POM121: variants seen among roughly 807,000 people sequenced by gnomAD.
The protein encoded by POM121 is nuclear envelope pore membrane protein POM 121.
POM121 carries 32 observed loss-of-function variants against 81.3 expected under a neutral mutation model. That is an observed-to-expected ratio of 0.39 (90% CI 0.30 to 0.53). The LOEUF is 0.53. POM121 is among the 20% of genes least tolerant of loss of function. The pLI is 0.66. For synonymous variants in POM121, 514 were observed against 694.2 expected (o/e 0.74, Z 4.08); for missense variants, 1,138 against 1,614.6 (o/e 0.70, Z 5.06).
intron 3 of POM121, among the ~76,000 whole-genome samples, chr7:72,900,050 C>G (rs1792442063): frequency 6.6e-6 from 1 of 152,174 alleles, no homozygotes; most frequent in Non-Finnish European, 1.5e-5. Context: ...CACTCCAAAA[C>G]CTACTGAATC....
chr7:72,929,928 C>T lies in POM121; in HGVS notation c.1104-12C>T, dbSNP rs781903345. 23 of 1,575,268 alleles carry T rather than the reference C, an allele frequency of 1.5e-5. No individual in the cohort carries two copies. Among genetic ancestry groups the T allele is most frequent in the Non-Finnish European group, 2.0e-5 (23 of 1,157,586 alleles). On this transcript the variant is annotated splice_polypyrimidine_tract_variant and intron_variant, in intron 4 of 12. Transcript: ENST00000434423. ...CTTCAATAAAGCATCTAACTGTCTTCTCTTTTATTAGGCCTGGGTCTCTGA... is the reference window on the plus strand; with the variant it reads ...CTTCAATAAAGCATCTAACTGTCTTTTCTTTTATTAGGCCTGGGTCTCTGA...
chr7:72,948,567 T>A (rs1554503911), downstream of POM121: 1 of 1,612,962 alleles, frequency 6.2e-7, no homozygotes, highest in Non-Finnish European at 8.5e-7. Context: ...GTGTGCGTTC[T>A]GGTGCTGATG....
intron 3 of POM121, among the ~76,000 whole-genome samples, chr7:72,899,194 A>G (rs1792313077): frequency 6.6e-6 from 1 of 151,914 alleles, no homozygotes; most frequent in African/African-American, 2.4e-5. Flanking sequence ...CATGTTGGTC[A>G]GGCTGGTCTC....
chr7:72,925,168 C>A lies in POM121; in HGVS notation c.47C>A (p.Pro16His). 2.7e-6 allele frequency: 4 copies of A among 1,502,380 alleles called. No homozygotes were observed. The highest frequency in any genetic ancestry group is 3.5e-6 in the Non-Finnish European group (4 of 1,133,810). 93.1% of individuals were successfully genotyped at this position (1,502,380 alleles called of 1,614,324 possible). Residue 16 changes from proline to histidine, a missense_variant, in exon 1 of 13, where the codon CCC (proline) becomes CAC (histidine). Around this residue, in one of 7 missense-constraint regions of POM121, gnomAD observed 646 missense variants for 633.5 expected, o/e 1.02. Coordinates refer to ENST00000434423, the MANE Select transcript of POM121 (RefSeq NM_001387691.1). ...AAAGAGERRR[P>H]IASVRDGRGR... is the part of the protein sequence containing the mutation. ...GCTGGAGCAGGCGAGCGGCGGCGGC[C>A]CATAGCGAGTGTCAGGGACGGCCGG...
At chr7:72,890,700 A>G (rs1791218386) in exon 2 of POM121, 3 of 1,601,760 alleles carry the variant, frequency 1.9e-6, no homozygotes, top group African/African-American at 1.3e-5. Context: ...CCTGATGAGA[A>G]GATAACATAC....
intron 3 of POM121, among the ~76,000 whole-genome samples, chr7:72,913,303 G>A (rs1376214481): frequency 2.6e-5 from 4 of 152,238 alleles, no homozygotes; most frequent in Non-Finnish European, 5.9e-5. Flanking sequence ...GGGACATGCC[G>A]TGTGCCGTCT....
At chr7:72,940,738 T>C (rs1796981016) in intron 9 of POM121, 79 bp from the exon 10 acceptor site, 1 of 1,493,580 alleles carries the variant, frequency 6.7e-7, no homozygotes, top group East Asian at 2.3e-5. Flanking sequence ...TGAGCTGTGC[T>C]GAGAGCCTGC....
intron 4 of POM121, among the ~76,000 whole-genome samples, chr7:72,916,004 T>A (rs187892229): frequency 6.6e-6 from 1 of 152,340 alleles, no homozygotes; most frequent in African/African-American, 2.4e-5. Flanking sequence ...GTTTGTTTTT[T>A]CCTTGTAAAT....
intron 3 of POM121, among the ~76,000 whole-genome samples, chr7:72,908,071 G>A (rs1793443809): frequency 6.6e-6 from 1 of 152,098 alleles, no homozygotes. Context: ...CTGCTATTGA[G>A]TTCACCCATT....
At chr7:72,938,545 T>G in intron 5 of POM121, 45 bp from the exon 6 acceptor site, 2 of 1,582,580 alleles carry the variant, frequency 1.3e-6, no homozygotes, top group Non-Finnish European at 1.7e-6. Context: ...GAGGGTCAGA[T>G]GCTAAGTTAT....
At chr7:72,950,231 G>T, downstream of POM121, 2 of 1,605,028 alleles carry the variant, frequency 1.2e-6, no homozygotes, top group South Asian at 1.1e-5. Flanking sequence ...ATCATTTCCT[G>T]AATTTCTCCC....
rs1797737164 is a variant in POM121, at chr7:72,946,938, C to T, written c.*704C>T. ...AGCTTGGTGGCTCAAGACTGTTAGC[C>T]TGGCAGAGCCAGGGGTGAAGGGAGA... On this transcript the variant is annotated 3_prime_UTR_variant, in exon 13 of 13. Transcript: ENST00000434423. 3 of 770,274 alleles carry T rather than the reference C, an allele frequency of 3.9e-6. No individual in the cohort carries two copies. The highest frequency in any genetic ancestry group is 4.2e-5 in the African/African-American group (2 of 47,296). 47.7% of individuals were successfully genotyped at this position (770,274 alleles called of 1,614,324 possible).
intron 1 of POM121, among the ~76,000 whole-genome samples, chr7:72,881,868 T>G (rs1790190961): frequency 6.6e-6 from 1 of 152,118 alleles, no homozygotes; most frequent in Admixed American, 6.6e-5. Context: ...TGACCTCAGG[T>G]GATCCTCCTG....
chr7:72,899,575 ATTTT>A (rs10709124), intron 3 of POM121, among the ~76,000 whole-genome samples: 1 of 121,446 alleles, frequency 8.2e-6, no homozygotes. Flanking sequence ...TTGATATTAC[ATTTT>A]TTTTTTTTTT....
In POM121 at chr7:72,948,275, G is replaced by T. The variant is rs1244638132; in HGVS notation, c.*2041G>T. 10 of 1,499,606 alleles carry T rather than the reference G, an allele frequency of 6.7e-6. No homozygotes were observed. In the African/African-American group the frequency reaches 1.3e-4, roughly 19 times the overall value. The allele number at this position is 1,499,606 out of a possible 1,614,324, so 92.9% of individuals were successfully genotyped here. A position where few individuals can be genotyped will look rare whatever the true frequency, so the allele number is the denominator to read the frequency against. On this transcript the variant is annotated 3_prime_UTR_variant, in exon 13 of 13. Coordinates refer to ENST00000434423, the MANE Select transcript of POM121 (RefSeq NM_001387691.1). ...ATTTTTCTCCTGCTTGTGACATTAAGAATAAAAAACTGTGATCTATCGTAG... is the reference window on the plus strand; with the variant it reads ...ATTTTTCTCCTGCTTGTGACATTAATAATAAAAAACTGTGATCTATCGTAG...
At chr7:72,929,622 CA>C (rs782316536) in intron 4 of POM121, among the ~76,000 whole-genome samples, 6 of 152,184 alleles carry the variant, frequency 3.9e-5, no homozygotes, top group Non-Finnish European at 8.8e-5. Context: ...CCTTCACCTC[CA>C]AAAGTTCCCA....
At chr7:72,949,532 G>A (rs1797934073), downstream of POM121, 2 of 908,498 alleles carry the variant, frequency 2.2e-6, no homozygotes, top group Admixed American at 2.1e-5. Flanking sequence ...GAGCATGCAT[G>A]GAGCAGCTAA....
At chr7:72,943,593 C>A (rs1298536417) in intron 11 of POM121, 71 bp downstream of exon 11, 12 of 1,543,890 alleles carry the variant, frequency 7.8e-6, no homozygotes, top group African/African-American at 1.4e-5. Context: ...CCTGTGGTCT[C>A]GGGGAGCTTA....
intron 4 of POM121, among the ~76,000 whole-genome samples, chr7:72,929,441 C>T (rs550281439): frequency 6.6e-6 from 1 of 152,250 alleles, no homozygotes; most frequent in Non-Finnish European, 1.5e-5. Flanking sequence ...TAGGAGATTT[C>T]TGTTTCCATT....
Sources: allele counts gnomAD v4.1 joint callset (sites outside exome capture counted in the v4.1 genomes callset), GRCh38; gene constraint gnomAD v4.1.1; regional missense constraint gnomAD v4.1.1; transcripts MANE v1.5; gene names NCBI Gene and HGNC (gene_info 2026-07-23, HGNC 2026-07-21).